The following NUP210 variants were observed in gnomAD, a reference collection of about 807,000 sequenced individuals.
NUP210 encodes nuclear pore membrane glycoprotein 210.
Under a neutral mutation model 196.0 loss-of-function variants are expected in NUP210, and 151 were observed. The ratio of observed to expected loss-of-function variants is 0.77; its 90% confidence interval spans 0.67 to 0.88. NUP210 has a LOEUF of 0.88. Ranked by LOEUF, NUP210 falls within the 40% of genes least tolerant of loss-of-function variation. NUP210 has a pLI of 0.00. For missense variants in NUP210, 2,314 were observed against 2,493.7 expected (o/e 0.93, Z 1.53); for synonymous variants, 1,070 against 1,052.7 (o/e 1.02, Z -0.32).
At chr3:13,327,861 G>A (rs1457064224) in intron 31 of NUP210, among the ~76,000 whole-genome samples, 3 of 152,236 alleles carry the variant, frequency 2.0e-5, no homozygotes, top group Non-Finnish European at 4.4e-5. Flanking sequence ...TCTGAAAAAT[G>A]GGGATCATCA....
intron 2 of NUP210, 99 bp from the exon 3 acceptor site, chr3:13,397,587 A>G (rs781035168): frequency 2.7e-4 from 363 of 1,320,856 alleles, no homozygotes; most frequent in Middle Eastern, 1.4e-3. Flanking sequence ...AGACCACGGC[A>G]ACCACCAGCT....
intron 34 of NUP210, 42 bp from the exon 35 acceptor site, chr3:13,322,381 G>A (rs1696576082): frequency 6.2e-7 from 1 of 1,606,056 alleles, no homozygotes; most frequent in African/African-American, 1.3e-5. Flanking sequence ...CAGGCCCGAT[G>A]GCCACCACAC....
chr3:13,342,024 G>C lies in NUP210; in HGVS notation c.3064C>G (p.Arg1022Gly). 1 of 1,614,178 alleles carries C rather than the reference G, an allele frequency of 6.2e-7. No homozygotes were observed. Among genetic ancestry groups the C allele is most frequent in the Non-Finnish European group, 8.5e-7 (1 of 1,180,028 alleles). ...AATGTAATGATCGGGGAGGCTGCTC[G>C]GAGCTTCAGGTCCATAAAGGGGAAG... ...KYFPFMDLKL[R>G]AASPIITLVA... is the part of the protein sequence containing the mutation. The change falls in exon 22 of 40, where the codon CGA becomes GGA. Residue 1022 changes from arginine to glycine, a missense_variant. Arg to Gly is a moderately radical substitution (Grantham distance 125). Transcript: ENST00000254508.
At chr3:13,328,261 C>T (rs1472225311) in intron 31 of NUP210, among the ~76,000 whole-genome samples, 1 of 152,226 alleles carries the variant, frequency 6.6e-6, no homozygotes, top group Non-Finnish European at 1.5e-5. Flanking sequence ...GAAGGAAAGC[C>T]CTGGAACCTA....
intron 19 of NUP210, 33 bp downstream of exon 19, chr3:13,352,040 GTGGGTCT>G: frequency 6.2e-7 from 1 of 1,603,310 alleles, no homozygotes; most frequent in Non-Finnish European, 8.5e-7. Flanking sequence ...GAGTCCCCCC[GTGGGTCT>G]TGCCCAGGAA....
In NUP210 at chr3:13,351,867, G is replaced by C. The variant is rs780765222; in HGVS notation, c.2835+12C>G. On this transcript the variant is annotated intron_variant, in intron 20 of 39. Coordinates refer to ENST00000254508, the MANE Select transcript of NUP210 (RefSeq NM_024923.4). ...TGAAAACCAACAGTGGGGACCGATGGCCCAAGCTTACCATGGCGACACCCC... is the reference window on the plus strand; with the variant it reads ...TGAAAACCAACAGTGGGGACCGATGCCCCAAGCTTACCATGGCGACACCCC... The C allele has an allele frequency of 2.5e-6, 4 of 1,580,672 alleles. No homozygotes were observed.
At chr3:13,390,319 G>A (rs1414522851) in intron 4 of NUP210, among the ~76,000 whole-genome samples, 2 of 152,158 alleles carry the variant, frequency 1.3e-5, no homozygotes, top group Non-Finnish European at 2.9e-5. Flanking sequence ...GCTGCAAAAG[G>A]AGACTCAAAA....
At chr3:13,343,780 A>T (rs1358840707) in intron 20 of NUP210, among the ~76,000 whole-genome samples, 1 of 152,144 alleles carries the variant, frequency 6.6e-6, no homozygotes, top group African/African-American at 2.4e-5. Context: ...TGAAACCGCA[A>T]GTCAGGGGCT....
rs1467380978 is a variant in NUP210, at chr3:13,391,214, A to G, written c.530T>C (p.Leu177Pro). The change falls in exon 4 of 40, where the codon CTG becomes CCG. Residue 177 changes from leucine (L) to proline (P), a missense_variant. Leu to Pro is a moderately conservative substitution (Grantham distance 98, BLOSUM62 -3). Coordinates refer to ENST00000254508, the MANE Select transcript of NUP210 (RefSeq NM_024923.4). ...ADRFSDSHNA[L>P]RILTFLESTY... Reference sequence around the variant, plus strand: ...GCCTAGCAGAGGCACCCCTTACCGCAGCGCATTGTGGGAGTCTGAGAACCT... The same window carrying G: ...GCCTAGCAGAGGCACCCCTTACCGCGGCGCATTGTGGGAGTCTGAGAACCT... 1 of 1,608,092 alleles carries G rather than the reference A, an allele frequency of 6.2e-7. No homozygotes were observed. Among genetic ancestry groups the G allele is most frequent in the Admixed American group, 1.7e-5 (1 of 59,854 alleles).
intron 9 of NUP210, 58 bp downstream of exon 9, chr3:13,377,398 C>A: frequency 8.0e-7 from 1 of 1,257,524 alleles, no homozygotes; most frequent in Non-Finnish European, 1.2e-6. Context: ...TCTTCAGCAG[C>A]CGCGTCAGAC....
At chr3:13,364,143 C>G (rs1352001951) in intron 14 of NUP210, among the ~76,000 whole-genome samples, 1 of 152,148 alleles carries the variant, frequency 6.6e-6, no homozygotes, top group African/African-American at 2.4e-5. Flanking sequence ...TCATGGCAAG[C>G]AGAGGTAAAA....
At position 13,342,735 on chromosome 3, in the gene NUP210, G is replaced by A. The variant is rs186636657; in HGVS notation, c.2964+440C>T. On this transcript the variant is annotated intron_variant, in intron 21 of 39. Coordinates refer to ENST00000254508, the MANE Select transcript of NUP210 (RefSeq NM_024923.4). ...TCTGTATCAGTGTGAAAGATAAACC[G>A]AGATCTATCCCTTGTCTCTTTTTGC... Among the ~76,000 whole-genome samples the A allele has an allele frequency of 1.6e-4, 25 of 152,290 alleles. No homozygotes were observed. The East Asian group carries it at 2.3e-3, about 14-fold the overall frequency.
At chr3:13,393,172 G>A (rs913147871) in intron 3 of NUP210, among the ~76,000 whole-genome samples, 1 of 152,182 alleles carries the variant, frequency 6.6e-6, no homozygotes. Context: ...CAACGCATGG[G>A]GTTGGTGGGA....
chr3:13,334,050 C>T (rs1191877794), intron 28 of NUP210, among the ~76,000 whole-genome samples: 1 of 152,158 alleles, frequency 6.6e-6, no homozygotes, highest in East Asian at 1.9e-4. Context: ...GACACCATAT[C>T]TTTAGGACAT....
At chr3:13,411,388 C>G (rs1700170347) in intron 1 of NUP210, among the ~76,000 whole-genome samples, 1 of 152,228 alleles carries the variant, frequency 6.6e-6, no homozygotes, top group Admixed American at 6.5e-5. Flanking sequence ...TGCCACTAAC[C>G]AGCTGTGAGG....
In NUP210 at chr3:13,347,391, G is replaced by C; in HGVS notation, c.2836-4088C>G. 1 of 944,662 alleles carries C rather than the reference G, an allele frequency of 1.1e-6. No homozygotes were observed. Among genetic ancestry groups the C allele is most frequent in the South Asian group, 4.9e-5 (1 of 20,460 alleles). 58.5% of individuals were successfully genotyped at this position (944,662 alleles called of 1,614,324 possible). A position where few individuals can be genotyped will look rare whatever the true frequency, so the allele number is the denominator to read the frequency against. The stretch of plus-strand genomic sequence containing the variant: ...GGACTTGATTGAAATGTAAAGAATC[G>C]TTGAAAAGAAGGAAAACTTAGGCTT... On this transcript the variant is annotated intron_variant, in intron 20 of 39. Coordinates refer to ENST00000254508, the MANE Select transcript of NUP210 (RefSeq NM_024923.4). The surrounding 1 kb of genome is among the most constrained non-coding windows in gnomAD (Gnocchi z 4.7).
chr3:13,321,668 G>C lies in NUP210; in HGVS notation c.5083C>G (p.Gln1695Glu). The C allele has an allele frequency of 6.2e-7, 1 of 1,614,142 alleles. No individual in the cohort carries two copies. The highest frequency in any genetic ancestry group is 8.5e-7 in the Non-Finnish European group (1 of 1,180,030). Residue 1695 changes from glutamine (Q) to glutamate (E), a missense_variant, in exon 36 of 40, where the codon CAG becomes GAG. Physicochemically the swap from Gln to Glu is conservative, Grantham distance 29. Coordinates refer to ENST00000254508, the MANE Select transcript of NUP210 (RefSeq NM_024923.4). ...VPFSPGLFAD[Q>E]AEILLSNHYT... Reference sequence around the variant, plus strand: ...TGGTTGCTCAAAAGGATTTCAGCCTGGTCGGCGAAGAGACCTGGGCTGAAG... The same window carrying C: ...TGGTTGCTCAAAAGGATTTCAGCCTCGTCGGCGAAGAGACCTGGGCTGAAG...
At chr3:13,365,855 T>A in intron 14 of NUP210, 91 bp downstream of exon 14, 1 of 1,386,114 alleles carries the variant, frequency 7.2e-7, no homozygotes, top group Non-Finnish European at 1.0e-6. Context: ...AGGAATCGGG[T>A]TTATCATGCA....
chr3:13,372,500 T>G (rs1000401330), intron 12 of NUP210, among the ~76,000 whole-genome samples: 3 of 151,954 alleles, frequency 2.0e-5, no homozygotes, highest in Non-Finnish European at 4.4e-5. Context: ...AGGTGAGCAG[T>G]GTGGTGAGGA....
Sources: allele counts gnomAD v4.1 joint callset (sites outside exome capture counted in the v4.1 genomes callset), GRCh38; gene constraint gnomAD v4.1.1; non-coding constraint Gnocchi (gnomAD v3.1); transcripts MANE v1.5; gene names NCBI Gene and HGNC (gene_info 2026-07-23, HGNC 2026-07-21).